The following DYNC2H1 variants were observed in gnomAD, a reference collection of about 807,000 sequenced individuals.
DYNC2H1 encodes the protein cytoplasmic dynein 2 heavy chain 1.
Under a neutral mutation model 570.0 loss-of-function variants are expected in DYNC2H1, and 410 were observed. The observed-to-expected ratio is 0.72, with a 90% CI of 0.66 to 0.78. The LOEUF is 0.78. Among genes scored for constraint, DYNC2H1 ranks in the 30% least tolerant of loss-of-function variants. The probability of loss-of-function intolerance (pLI) is 0.00; values close to 1 mark genes in which losing one functional copy is unlikely to be tolerated. For synonymous variants in DYNC2H1, 1,688 were observed against 1,677.6 expected, an observed-to-expected ratio of 1.01 and a Z score of -0.15; for missense variants, 4,865 against 5,046.4, an observed-to-expected ratio of 0.96 and a Z score of 1.09.
intron 82 of DYNC2H1, among the ~76,000 whole-genome samples, chr11:103,355,447 A>C (rs1487343616): frequency 2.0e-5 from 3 of 152,216 alleles, no homozygotes; most frequent in Non-Finnish European, 4.4e-5. Context: ...GAAACAGTTT[A>C]TGCCAAATAG....
At chr11:103,288,232 A>G (rs1212884531) in intron 75 of DYNC2H1, among the ~76,000 whole-genome samples, 1 of 152,062 alleles carries the variant, frequency 6.6e-6, no homozygotes, top group Non-Finnish European at 1.5e-5. Context: ...ACTAGCCCCC[A>G]GGCAAGAAGG....
At chr11:103,415,247 T>G (rs1179864717) in intron 84 of DYNC2H1, among the ~76,000 whole-genome samples, 2 of 152,160 alleles carry the variant, frequency 1.3e-5, no homozygotes, top group Non-Finnish European at 2.9e-5. Flanking sequence ...ATTCAGGACA[T>G]AGGCATGGGC....
chr11:103,128,341 A>G (rs1859097628), intron 12 of DYNC2H1, among the ~76,000 whole-genome samples: 1 of 152,226 alleles, frequency 6.6e-6, no homozygotes, highest in African/African-American at 2.4e-5. Flanking sequence ...GAGACCAGTT[A>G]GGAAATCTGT....
chr11:103,158,029 C>A (rs1434182435), intron 26 of DYNC2H1, among the ~76,000 whole-genome samples: 1 of 152,166 alleles, frequency 6.6e-6, no homozygotes, highest in African/African-American at 2.4e-5. Flanking sequence ...GCCCTGTTAG[C>A]CATTTTAACA....
chr11:103,421,504 G>C (rs368596291), intron 84 of DYNC2H1, among the ~76,000 whole-genome samples: 1 of 151,762 alleles, frequency 6.6e-6, no homozygotes, highest in Non-Finnish European at 1.5e-5. Context: ...CATAACAAAC[G>C]GTCTCTTAGA....
intron 82 of DYNC2H1, among the ~76,000 whole-genome samples, chr11:103,342,508 CTT>C (rs3076506): frequency 6.9e-6 from 1 of 144,548 alleles, no homozygotes; most frequent in Admixed American, 6.9e-5. Context: ...TCTGTGCCAC[CTT>C]TTTTTTTTTT....
chr11:103,311,022 G>A (rs1485792426), intron 78 of DYNC2H1, among the ~76,000 whole-genome samples: 3 of 151,796 alleles, frequency 2.0e-5, no homozygotes, highest in African/African-American at 4.8e-5. Context: ...GAAGAAGGTC[G>A]TTTTACTTAA....
chr11:103,144,888 T>A (rs1860155864), intron 18 of DYNC2H1, among the ~76,000 whole-genome samples: 1 of 142,750 alleles, frequency 7.0e-6, no homozygotes, highest in Admixed American at 6.8e-5. Flanking sequence ...AATTAGTTAT[T>A]TTTTTTTTTT....
At chr11:103,435,819 CTT>C (rs1411478273) in intron 84 of DYNC2H1, 122 bp from the exon 85 acceptor site, 17 of 751,230 alleles carry the variant, frequency 2.3e-5, no homozygotes, top group Non-Finnish European at 3.6e-5. Context: ...TGAGATCAAA[CTT>C]AATGAATTTC....
intron 75 of DYNC2H1, among the ~76,000 whole-genome samples, chr11:103,302,454 T>G (rs1867088824): frequency 6.6e-6 from 1 of 152,084 alleles, no homozygotes; most frequent in South Asian, 2.1e-4. Flanking sequence ...TGAGGCACAG[T>G]GCATTTTAAT....
chr11:103,278,105 C>A (rs1161446596), intron 70 of DYNC2H1, among the ~76,000 whole-genome samples: 4 of 151,894 alleles, frequency 2.6e-5, no homozygotes, highest in Non-Finnish European at 5.9e-5. Flanking sequence ...GCTTGAGGAC[C>A]TTTTATCCAA....
chr11:103,184,985 T>G lies in DYNC2H1; in HGVS notation c.6567T>G (p.Ile2189Met). ...LHGCRDHDEF[I>M]INLIRGLGGN... ...GTTGCAGAGATCATGACGAATTCAT[T>G]ATTAATCTCATAAGGGGACTTGGTG... The change falls in exon 41 of 89, where the codon ATT becomes ATG. Residue 2189 changes from isoleucine (I) to methionine (M), a missense_variant. Ile to Met is a conservative substitution (Grantham distance 10). This residue lies in a region of DYNC2H1 where 231 missense variants were observed against 310.3 expected (regional missense o/e 0.74). Transcript: ENST00000375735. 6.2e-7 allele frequency: 1 copy of G among 1,611,092 alleles called. No homozygotes were observed. Among genetic ancestry groups the G allele is most frequent in the East Asian group, 2.2e-5 (1 of 44,714 alleles).
intron 21 of DYNC2H1, among the ~76,000 whole-genome samples, 164 bp downstream of exon 21, chr11:103,152,449 T>C (rs1194747445): frequency 1.3e-5 from 2 of 152,190 alleles, no homozygotes. Context: ...ATGATGATTG[T>C]TTCACATGGT....
rs1240071701 is a variant in DYNC2H1, at chr11:103,174,133, C to G, written c.5637C>G (p.Leu1879=). 2 of 1,585,506 alleles carry G rather than the reference C, an allele frequency of 1.3e-6. No homozygotes were observed. Among genetic ancestry groups the G allele is most frequent in the East Asian group, 4.6e-5 (2 of 43,878 alleles). Residue 1879 remains leucine (L), a synonymous_variant, in exon 36 of 89, where the codon CTC becomes CTG. Coordinates refer to ENST00000375735, the MANE Select transcript of DYNC2H1 (RefSeq NM_001377.3). The part of the protein sequence containing the change: ...LKTVLRGSGN[L]LRQLNKSGTT... ...CAGTTCTGAGAGGAAGTGGAAATCT[C>G]CTTAGACAGCTAAACAAAAGTGGCA...
rs969159915 is a variant in DYNC2H1, at chr11:103,256,689, C to T, written c.10461+449C>T. On this transcript the variant is annotated intron_variant, in intron 68 of 88. Transcript: ENST00000375735. The surrounding 1 kb of genome is among the most constrained non-coding windows in gnomAD (Gnocchi z 4.0). The stretch of plus-strand genomic sequence containing the variant: ...TGAACAGTGCTGGGTACTTTATTAT[C>T]CTAATGTGGACACCTGTTAGAGTCA... Among the ~76,000 whole-genome samples, 12 of 152,102 alleles carry T rather than the reference C, an allele frequency of 7.9e-5. No individual in the cohort carries two copies. The highest frequency in any genetic ancestry group is 2.7e-4 in the African/African-American group (11 of 41,422).
intron 6 of DYNC2H1, 28 bp from the exon 7 acceptor site, chr11:103,120,419 A>G (rs1858642555): frequency 1.3e-6 from 2 of 1,555,324 alleles, no homozygotes; most frequent in African/African-American, 2.7e-5. Flanking sequence ...ATTTAAATAA[A>G]TTCTGTTGTT....
At chr11:103,196,471 A>C (rs914232402) in intron 47 of DYNC2H1, among the ~76,000 whole-genome samples, 10 of 152,198 alleles carry the variant, frequency 6.6e-5, no homozygotes, top group Non-Finnish European at 2.9e-5. Flanking sequence ...CAATGAATGC[A>C]TGAATTATAT....
At chr11:103,283,466 C>A (rs1038463793) in intron 73 of DYNC2H1, among the ~76,000 whole-genome samples, 6 of 152,102 alleles carry the variant, frequency 3.9e-5, no homozygotes, top group Non-Finnish European at 8.8e-5. Context: ...AAAGACAAGT[C>A]TATGCATATG....
At chr11:103,130,517 G>A (rs11225558) in intron 13 of DYNC2H1, among the ~76,000 whole-genome samples, 2,575 of 152,226 alleles carry the variant, frequency 0.017, 37 homozygotes, top group Non-Finnish European at 0.026. Context: ...ATAATGCAAA[G>A]TTTAAAAACA....
Sources: gnomAD v4.1 joint callset for allele counts (sites outside exome capture counted in the v4.1 genomes callset) on GRCh38, gnomAD v4.1.1 for gene constraint, gnomAD v4.1.1 regional missense constraint, Gnocchi (gnomAD v3.1) non-coding constraint, MANE v1.5 for transcripts, NCBI Gene and HGNC (gene_info 2026-07-23, HGNC 2026-07-21) for gene names.